Variants in CYBA observed in about 807,000 individuals in gnomAD.
CYBA encodes cytochrome b-245 light chain.
In CYBA, 21 loss-of-function variants were observed where a neutral mutation model predicts 20.8. The ratio of observed to expected loss-of-function variants is 1.01; its 90% CI spans 0.72 to 1.46. The LOEUF (loss-of-function observed/expected upper bound fraction) is 1.46. Ranked by LOEUF, CYBA falls within the 40% of genes most tolerant of loss-of-function variation. CYBA has a pLI of 0.00. For missense variants in CYBA, 344 were observed against 287.0 expected, an observed-to-expected ratio of 1.20 and a Z score of -1.43; for synonymous variants, 164 against 127.5, an observed-to-expected ratio of 1.29 and a Z score of -1.93.
rs1008699438 is a variant in CYBA, at chr16:88,643,469, G to A, written c.472C>T (p.Arg158Trp). The A allele has an allele frequency of 4.6e-6, 7 of 1,532,214 alleles. No individual in the cohort carries two copies. Among genetic ancestry groups the A allele is most frequent in the African/African-American group, 1.4e-5 (1 of 72,262 alleles). 94.9% of individuals were successfully genotyped at this position (1,532,214 alleles called of 1,614,324 possible). A position where few individuals can be genotyped will look rare whatever the true frequency, so the allele number is the denominator to read the frequency against. Residue 158 changes from arginine (R) to tryptophan (W), a missense_variant, in exon 6 of 6, where the codon CGG becomes TGG. Arg to Trp is a moderately radical substitution (Grantham distance 101). Coordinates refer to ENST00000261623, the MANE Select transcript of CYBA (RefSeq NM_000101.4). This position sits in a 1 kb window ranked among gnomAD's most constrained non-coding sequence, Gnocchi z 4.3. ...TTCTTGCGGGCCTCGGCCGGGGGCC[G>A]CGGCGGGGGGTTGCTGGGCGGCTGC... The part of the protein sequence containing the change: ...IKQPPSNPPP[R>W]PPAEARKKPS...
At chr16:88,646,874 G>C (rs757087640) in intron 3 of CYBA, 36 bp from the exon 4 acceptor site, 13 of 1,560,428 alleles carry the variant, frequency 8.3e-6, no homozygotes, top group African/African-American at 1.4e-5. Flanking sequence ...GCGCGGCTGG[G>C]CCTCTCCCAC....
intron 5 of CYBA, chr16:88,645,298 G>T (rs1367371014): frequency 2.8e-6 from 2 of 702,452 alleles, no homozygotes; most frequent in Non-Finnish European, 5.2e-6. Flanking sequence ...GGTCAGTGAG[G>T]CTTGAAACAG....
rs569572890 is a variant in CYBA, at chr16:88,645,060, G to C, written c.369+1056C>G. On this transcript the variant is annotated intron_variant, in intron 5 of 5. Transcript: ENST00000261623. ...GGCTGGTGGTGGGTTGTCTGCTGAG[G>C]AGCAGCTGAGCCCGGCAGGGTGAAC... The C allele has an allele frequency of 3.2e-5, 21 of 651,704 alleles. No individual in the cohort carries two copies. In the South Asian group the frequency reaches 3.6e-4, roughly 11 times the overall value. 40.4% of individuals were successfully genotyped at this position (651,704 alleles called of 1,614,324 possible).
intron 1 of CYBA, among the ~76,000 whole-genome samples, chr16:88,648,673 A>G (rs1284959634): frequency 7.3e-6 from 1 of 137,624 alleles, no homozygotes; most frequent in Non-Finnish European, 1.5e-5. Flanking sequence ...GCTGGAGTGC[A>G]GTGGCGCGAT....
chr16:88,647,960 C>G, intron 2 of CYBA, 85 bp downstream of exon 2: 1 of 1,322,028 alleles, frequency 7.6e-7, no homozygotes. Flanking sequence ...TGGTGGGGAG[C>G]GGAGGCAAAC....
intron 5 of CYBA, 121 bp downstream of exon 5, chr16:88,645,995 C>G: frequency 1.2e-6 from 1 of 855,878 alleles, no homozygotes; most frequent in South Asian, 1.4e-5. Context: ...CAGGCTCACA[C>G]TTGCTCCCAG....
rs187537866 is a variant in CYBA, at chr16:88,649,216, T to C, written c.59-1102A>G. ...CCTCCCAAAGTGCTAGGATTACAGGTGTAGCCACCTTGCCCTGCCAGCCAT... is the reference window on the plus strand; with the variant it reads ...CCTCCCAAAGTGCTAGGATTACAGGCGTAGCCACCTTGCCCTGCCAGCCAT... On this transcript the variant is annotated intron_variant, in intron 1 of 5. Coordinates refer to ENST00000261623, the MANE Select transcript of CYBA (RefSeq NM_000101.4). 2.3e-3 allele frequency among the ~76,000 whole-genome samples: 345 copies of C among 152,296 alleles called. 5 individuals are homozygous for C. In the East Asian group the frequency reaches 0.024, roughly 11 times the overall value.
chr16:88,647,709 T>G (rs1597372711), intron 2 of CYBA: 2 of 437,926 alleles, frequency 4.6e-6, no homozygotes, highest in African/African-American at 2.0e-5. Flanking sequence ...GCAGAGGAGG[T>G]AGAGGGGCCG....
chr16:88,647,792 C>G, intron 2 of CYBA: 1 of 585,018 alleles, frequency 1.7e-6, no homozygotes. Flanking sequence ...CAGTGCTGGC[C>G]CTGGCCCTCT....
At chr16:88,650,410 G>A (rs1907468631) in intron 1 of CYBA, 1 of 457,298 alleles carries the variant, frequency 2.2e-6, no homozygotes, top group African/African-American at 2.0e-5. Context: ...CAGCTGGGCT[G>A]GGCAGGGCCG....
intron 2 of CYBA, chr16:88,647,767 C>A: frequency 1.8e-6 from 1 of 551,536 alleles, no homozygotes; most frequent in Admixed American, 3.1e-5. Context: ...TCCCAGCAGT[C>A]CAACAGGGAG....
chr16:88,643,599 G>C lies in CYBA; in HGVS notation c.370-28C>G, dbSNP rs1252864739. On this transcript the variant is annotated intron_variant, in intron 5 of 5. Coordinates refer to ENST00000261623, the MANE Select transcript of CYBA (RefSeq NM_000101.4). This position sits in a 1 kb window ranked among gnomAD's most constrained non-coding sequence, Gnocchi z 4.3. ...GCGGGGCACTGAAGGGTTGAGCCGC[G>C]CCCCAGCGCCCGCCCTCCCTCCCTC... 1 of 1,522,316 alleles carries C rather than the reference G, an allele frequency of 6.6e-7. No individual in the cohort carries two copies. Among genetic ancestry groups the C allele is most frequent in the Non-Finnish European group, 8.8e-7 (1 of 1,137,414 alleles). The allele number at this position is 1,522,316 out of a possible 1,614,324, so 94.3% of individuals were successfully genotyped here.
At chr16:88,650,549 C>T in intron 1 of CYBA, 1 of 488,872 alleles carries the variant, frequency 2.0e-6, no homozygotes, top group Non-Finnish European at 4.0e-6. Context: ...ACCTCCAGGC[C>T]AGCTGGCTAC....
At position 88,646,197 on chromosome 16, in the gene CYBA, C is replaced by A. The variant is rs200876803; in HGVS notation, c.288G>T (p.Leu96=). ...GCAGGAAGCCGGCGGGCACCGAGAGCCTGGGGGACAGCGGGTGAGAGGCAG... is the reference window on the plus strand; with the variant it reads ...GCAGGAAGCCGGCGGGCACCGAGAGACTGGGGGACAGCGGGTGAGAGGCAG... ...NYYVRAVLHL[L]LSVPAGFLLA... Residue 96 remains leucine, a splice_region_variant and synonymous_variant, in exon 5 of 6, where the codon CTG becomes CTT. Transcript: ENST00000261623. 3 of 1,527,500 alleles carry A rather than the reference C, an allele frequency of 2.0e-6. No homozygotes were observed. The highest frequency in any genetic ancestry group is 2.5e-5 in the East Asian group (1 of 40,330). The allele number at this position is 1,527,500 out of a possible 1,614,324, so 94.6% of individuals were successfully genotyped here.
rs1907181664 is a variant in CYBA at position 88,643,871 on chromosome 16, C to T, written c.370-300G>A. ...AGATGCAAATTCTAGTACTCAAATT[C>T]TCCTCTCAAGGTGCCAAGGGCAGGG... On this transcript the variant is annotated intron_variant, in intron 5 of 5. Transcript: ENST00000261623. This position sits in a 1 kb window ranked among gnomAD's most constrained non-coding sequence, Gnocchi z 4.3. Among the ~76,000 whole-genome samples, 1 of 152,250 alleles carries T rather than the reference C, an allele frequency of 6.6e-6. No homozygotes were observed. The highest frequency in any genetic ancestry group is 2.4e-5 in the African/African-American group (1 of 41,466).
intron 4 of CYBA, chr16:88,646,540 C>A (rs759284359): frequency 2.9e-6 from 2 of 701,072 alleles, no homozygotes; most frequent in Admixed American, 4.0e-5. Context: ...GGCGACGGAT[C>A]GGAGCTCCTC....
chr16:88,646,342 C>T (rs532725883), intron 4 of CYBA, 145 bp from the exon 5 acceptor site: 53 of 519,192 alleles, frequency 1.0e-4, no homozygotes, highest in South Asian at 8.1e-4. Flanking sequence ...GGGCTTGTTT[C>T]GGTCCTGGGT....
intron 1 of CYBA, among the ~76,000 whole-genome samples, chr16:88,648,727 C>T (rs1463218194): frequency 1.2e-4 from 18 of 151,282 alleles, no homozygotes; most frequent in Admixed American, 7.2e-4. Context: ...AAGCAATTCT[C>T]CTGCCTCAGC....
At position 88,643,629 on chromosome 16, in the gene CYBA, C is replaced by T; in HGVS notation, c.370-58G>A. On this transcript the variant is annotated intron_variant, in intron 5 of 5. Transcript: ENST00000261623. This position sits in a 1 kb window ranked among gnomAD's most constrained non-coding sequence, Gnocchi z 4.3. Reference sequence around the variant, plus strand: ...AGCGCCCGCCCTCCCTCCCTCCCTCCCTCCCCGGAGGCCCACCCCGCTAGG... The same window carrying T: ...AGCGCCCGCCCTCCCTCCCTCCCTCTCTCCCCGGAGGCCCACCCCGCTAGG... The T allele has an allele frequency of 6.7e-7, 1 of 1,481,928 alleles. No homozygotes were observed. Among genetic ancestry groups the T allele is most frequent in the Non-Finnish European group, 9.1e-7 (1 of 1,102,964 alleles). 91.8% of individuals were successfully genotyped at this position (1,481,928 alleles called of 1,614,324 possible).
Sources: allele counts gnomAD v4.1 joint callset (sites outside exome capture counted in the v4.1 genomes callset), GRCh38; gene constraint gnomAD v4.1.1; non-coding constraint Gnocchi (gnomAD v3.1); transcripts MANE v1.5; gene names NCBI Gene and HGNC (gene_info 2026-07-23, HGNC 2026-07-21).